CFAP54: variants seen among roughly 807,000 people sequenced by gnomAD.
CFAP54 encodes cilia and flagella associated protein 54.
A neutral mutation model predicts 370.4 loss-of-function variants in CFAP54; 290 were observed. The ratio of observed to expected loss-of-function variants is 0.78; its 90% CI spans 0.71 to 0.86. CFAP54 has a LOEUF of 0.86. Ranked by LOEUF, CFAP54 falls within the 40% of genes least tolerant of loss-of-function variation. The pLI, the probability that CFAP54 is intolerant of heterozygous loss-of-function variation, is 0.00. For synonymous variants in CFAP54, 1,206 were observed against 1,236.5 expected (o/e 0.98, Z 0.52); for missense variants, 3,399 against 3,528.7 (o/e 0.96, Z 0.93).
At chr12:96,506,332 C>A (rs534464015) in intron 3 of CFAP54, among the ~76,000 whole-genome samples, 2 of 131,602 alleles carry the variant, frequency 1.5e-5, no homozygotes, top group Admixed American at 8.0e-5. Flanking sequence ...AGCAAGACTC[C>A]GTCTCAAAAA....
chr12:96,766,545 T>G (rs868435314), intron 60 of CFAP54, among the ~76,000 whole-genome samples: 3 of 152,052 alleles, frequency 2.0e-5, no homozygotes, highest in Admixed American at 1.3e-4. Context: ...GAAGCACACA[T>G]TATTGTACAG....
chr12:96,835,626 A>T (rs1480775923), intron 66 of CFAP54, among the ~76,000 whole-genome samples: 2 of 152,172 alleles, frequency 1.3e-5, no homozygotes, highest in East Asian at 1.9e-4. Context: ...CAGTGGGAGC[A>T]GGCACTTCCA....
At chr12:96,551,215 G>A (rs986927143) in intron 15 of CFAP54, among the ~76,000 whole-genome samples, 5 of 152,124 alleles carry the variant, frequency 3.3e-5, no homozygotes, top group Non-Finnish European at 7.3e-5. Flanking sequence ...GCAAGATCGT[G>A]CCACTGTACT....
rs80117570 is a variant in CFAP54 at position 96,807,094 on chromosome 12, T to C, written c.8851-4642T>C. ...CTGCTGCATCATATAGTAGGTTCCA[T>C]TGGAAACCTTCTCTGACTTCTCTTG... On this transcript the variant is annotated intron_variant, in intron 63 of 67. Transcript: ENST00000524981. 6.4e-4 allele frequency among the ~76,000 whole-genome samples: 97 copies of C among 152,284 alleles called. No homozygotes were observed. The East Asian group carries it at 0.017, about 26-fold the overall frequency.
chr12:96,569,593 C>A (rs974760873), intron 19 of CFAP54, among the ~76,000 whole-genome samples: 7 of 152,196 alleles, frequency 4.6e-5, no homozygotes, highest in Non-Finnish European at 8.8e-5. Flanking sequence ...CCAGTTGTTT[C>A]ATCTGGTTTT....
rs1024951900 is a variant in CFAP54 at position 96,500,774 on chromosome 12, A to G, written c.318-60A>G. 5 of 1,225,438 alleles carry G rather than the reference A, an allele frequency of 4.1e-6. No homozygotes were observed. In the African/African-American group the frequency reaches 7.6e-5, roughly 19 times the overall value. The allele number at this position is 1,225,438 out of a possible 1,614,324, so 75.9% of individuals were successfully genotyped here. On this transcript the variant is annotated intron_variant, in intron 1 of 67. Coordinates refer to ENST00000524981, the MANE Select transcript of CFAP54 (RefSeq NM_001306084.2). ...AGGTAAGTTTTAAAGGATTGCTTGCAAATTAATTGGGGTTTCCTGCAGACT... is the reference window on the plus strand; with the variant it reads ...AGGTAAGTTTTAAAGGATTGCTTGCGAATTAATTGGGGTTTCCTGCAGACT...
chr12:96,870,676 T>G (rs1042760569), intron 67 of CFAP54, among the ~76,000 whole-genome samples: 2 of 152,156 alleles, frequency 1.3e-5, no homozygotes, highest in African/African-American at 4.8e-5. Context: ...ATTGTTTTGT[T>G]TTGGTTTGGT....
intron 15 of CFAP54, among the ~76,000 whole-genome samples, chr12:96,552,903 G>A (rs1386091574): frequency 6.6e-6 from 1 of 152,160 alleles, no homozygotes; most frequent in Non-Finnish European, 1.5e-5. Context: ...GCATGAATTT[G>A]TAATTCAGAA....
At chr12:96,634,110 C>G (rs1187299559) in intron 32 of CFAP54, among the ~76,000 whole-genome samples, 1 of 118,030 alleles carries the variant, frequency 8.5e-6, no homozygotes, top group Non-Finnish European at 1.6e-5. Flanking sequence ...GGCTGGAGTG[C>G]AGTGGCGTGA....
intron 39 of CFAP54, among the ~76,000 whole-genome samples, chr12:96,678,989 G>T (rs1305932934): frequency 1.3e-5 from 2 of 152,136 alleles, no homozygotes; most frequent in Admixed American, 1.3e-4. Context: ...CATGATGTAT[G>T]CAGCAATGCT....
chr12:96,586,735 G>A (rs1313508292), intron 22 of CFAP54, among the ~76,000 whole-genome samples: 1 of 152,138 alleles, frequency 6.6e-6, no homozygotes, highest in Non-Finnish European at 1.5e-5. Flanking sequence ...AGACTTCCAG[G>A]GCATTACAGG....
chr12:96,622,858 A>G (rs12306979), intron 27 of CFAP54, among the ~76,000 whole-genome samples: 5,205 of 152,170 alleles, frequency 0.034, 217 homozygotes, highest in African/African-American at 0.098. Context: ...TTTAAGCTAT[A>G]ATACTTTTTT....
At chr12:96,510,301 C>G (rs1222366609) in intron 4 of CFAP54, among the ~76,000 whole-genome samples, 2 of 151,682 alleles carry the variant, frequency 1.3e-5, no homozygotes, top group Middle Eastern at 3.4e-3. Context: ...CCAGAAATAC[C>G]CTGAGATCAT....
intron 66 of CFAP54, 68 bp from the exon 67 acceptor site, chr12:96,860,751 G>T: frequency 7.2e-7 from 1 of 1,394,072 alleles, no homozygotes; most frequent in Non-Finnish European, 9.4e-7. Flanking sequence ...TGCTATTTGG[G>T]TATTTTGAGA....
At chr12:96,815,344 A>G (rs1958964525) in intron 64 of CFAP54, among the ~76,000 whole-genome samples, 1 of 152,078 alleles carries the variant, frequency 6.6e-6, no homozygotes, top group African/African-American at 2.4e-5. Context: ...TTGGCTGCCT[A>G]AATGTCTTTT....
chr12:96,844,235 G>C (rs1047563876), intron 66 of CFAP54, among the ~76,000 whole-genome samples: 1 of 152,144 alleles, frequency 6.6e-6, no homozygotes, highest in Non-Finnish European at 1.5e-5. Flanking sequence ...AGGGGCAGAT[G>C]ATCCAGGTGA....
At chr12:96,512,776 A>T (rs933294760) in intron 4 of CFAP54, among the ~76,000 whole-genome samples, 1 of 152,250 alleles carries the variant, frequency 6.6e-6, no homozygotes, top group Non-Finnish European at 1.5e-5. Flanking sequence ...CTGTGTCAAC[A>T]TATTTAAAAT....
intron 17 of CFAP54, among the ~76,000 whole-genome samples, chr12:96,560,859 T>A (rs1209726952): frequency 6.6e-6 from 1 of 152,230 alleles, no homozygotes; most frequent in Non-Finnish European, 1.5e-5. Flanking sequence ...TGGTGATCCT[T>A]CCTGAATTAA....
At chr12:96,663,994 T>C (rs1275134824) in intron 39 of CFAP54, 62 bp downstream of exon 39, 2 of 1,224,904 alleles carry the variant, frequency 1.6e-6, no homozygotes, top group Non-Finnish European at 2.4e-6. Flanking sequence ...CATTGTGTTC[T>C]GCATGTCAAA....
Sources: allele counts gnomAD v4.1 joint callset (sites outside exome capture counted in the v4.1 genomes callset), GRCh38; gene constraint gnomAD v4.1.1; transcripts MANE v1.5; gene names NCBI Gene and HGNC (gene_info 2026-07-23, HGNC 2026-07-21).